The following NBPF26 variants were observed in gnomAD, a reference collection of about 807,000 sequenced individuals.
NBPF26 encodes NBPF family member NBPF26.
NBPF26 carries 79 observed loss-of-function variants against 119.6 expected under a neutral mutation model. That is an observed-to-expected ratio of 0.66 (90% CI 0.55 to 0.80). NBPF26 has a LOEUF of 0.80. NBPF26 is among the 30% of genes least tolerant of loss of function. The probability of loss-of-function intolerance (pLI) is 0.00; values close to 1 mark genes in which losing one functional copy is unlikely to be tolerated. For synonymous variants in NBPF26, 299 were observed against 457.7 expected (o/e 0.65, Z 4.43); for missense variants, 800 against 1,198.2 (o/e 0.67, Z 4.91).
At chr1:120,760,663 GT>G (rs1651127000) in intron 1 of NBPF26, among the ~76,000 whole-genome samples, 5 of 97,956 alleles carry the variant, frequency 5.1e-5, no homozygotes, top group Non-Finnish European at 1.0e-4. Flanking sequence ...TTTCACAATG[GT>G]TGTACTAATT....
In NBPF26 at chr1:120,806,286, G is replaced by T. The variant is rs1651680864; in HGVS notation, c.961+521G>T. Among the ~76,000 whole-genome samples the T allele has an allele frequency of 3.3e-5, 4 of 119,714 alleles. No individual in the cohort carries two copies. The South Asian group carries it at 1.0e-3, about 31-fold the overall frequency. 78.5% of individuals were successfully genotyped at this position (119,714 alleles called of 152,430 possible). A position where few individuals can be genotyped will look rare whatever the true frequency, so the allele number is the denominator to read the frequency against. On this transcript the variant is annotated intron_variant, in intron 5 of 29. Transcript: ENST00000620612. The stretch of plus-strand genomic sequence containing the variant: ...CTAATAGAACCTGTGCTATCTATAA[G>T]TGACAGCATCAAGAGCAGGGAGTAG...
intron 1 of NBPF26, among the ~76,000 whole-genome samples, chr1:120,743,870 A>G (rs1163579942): frequency 1.7e-5 from 2 of 120,620 alleles, no homozygotes; most frequent in African/African-American, 7.4e-5. Flanking sequence ...GCTGAATATT[A>G]GAGTGGTTGT....
intron 4 of NBPF26, among the ~76,000 whole-genome samples, chr1:120,805,079 G>C (rs1553269485): frequency 0.15 from 17,722 of 121,664 alleles, 4,445 homozygotes; most frequent in East Asian, 0.56. Flanking sequence ...TAAACAGTGA[G>C]GAATATGCTT....
chr1:120,768,567 C>T (rs1651220282), intron 2 of NBPF26, among the ~76,000 whole-genome samples: 1 of 109,686 alleles, frequency 9.1e-6, no homozygotes, highest in Non-Finnish European at 1.7e-5. Flanking sequence ...CTTGCACACT[C>T]TTCCTCTTCT....
intron 23 of NBPF26, among the ~76,000 whole-genome samples, chr1:120,833,384 T>TGTCTCA (rs1652403270): frequency 1.2e-5 from 1 of 83,298 alleles, no homozygotes; most frequent in Admixed American, 1.1e-4. Context: ...TCTCTGTCTC[T>TGTCTCA]CTCTCTGTCT....
At position 120,805,519 on chromosome 1, in the gene NBPF26, T is replaced by A. The variant is rs1303951784; in HGVS notation, c.752-37T>A. ...ATTAAACCGATTTGATTTCACCAGT[T>A]TTTAACCCATCATATGTTTGGGTTT... is the stretch of plus-strand genomic sequence containing the variant. On this transcript the variant is annotated intron_variant, in intron 4 of 29. Transcript: ENST00000620612. 15 of 1,227,358 alleles carry A rather than the reference T, an allele frequency of 1.2e-5. 4 individuals are homozygous for A. Among genetic ancestry groups the A allele is most frequent in the Admixed American group, 1.1e-4 (6 of 54,246 alleles). 76.0% of individuals were successfully genotyped at this position (1,227,358 alleles called of 1,614,324 possible).
chr1:120,840,202 T>G, intron 29 of NBPF26, 148 bp from the exon 36 acceptor site: 4 of 1,141,658 alleles, frequency 3.5e-6, no homozygotes, highest in South Asian at 1.5e-5. Flanking sequence ...TATCCCAACA[T>G]AAAGGCAATA....
rs1156370654 is a variant in NBPF26 at position 120,765,176 on chromosome 1, C to T, written c.155+1467C>T. On this transcript the variant is annotated intron_variant, in intron 2 of 29. Coordinates refer to ENST00000620612, the Ensembl canonical transcript of NBPF26. Reference sequence around the variant, plus strand: ...TTTTCTAGCTGGGGGAAAAAAAAAACATGTGGTGCATTCTCCTCTAAGAAT... The same window carrying T: ...TTTTCTAGCTGGGGGAAAAAAAAAATATGTGGTGCATTCTCCTCTAAGAAT... Among the ~76,000 whole-genome samples, 5 of 119,878 alleles carry T rather than the reference C, an allele frequency of 4.2e-5. 1 individual carries two copies. The highest frequency in any genetic ancestry group is 8.3e-5 in the Non-Finnish European group (5 of 60,194). The allele number at this position is 119,878 out of a possible 152,430, so 78.6% of individuals were successfully genotyped here.
At position 120,823,289 on chromosome 1, in the gene NBPF26, C is replaced by A. The variant is rs1277660724; in HGVS notation, c.2588-20C>A. 11 of 1,271,466 alleles carry A rather than the reference C, an allele frequency of 8.7e-6. 4 individuals carry two copies. The highest frequency in any genetic ancestry group is 5.4e-5 in the African/African-American group (2 of 37,068). The allele number at this position is 1,271,466 out of a possible 1,614,324, so 78.8% of individuals were successfully genotyped here. A position where few individuals can be genotyped will look rare whatever the true frequency, so the allele number is the denominator to read the frequency against. On this transcript the variant is annotated intron_variant, in intron 16 of 29. Transcript: ENST00000620612. ...GAAGAACTGCTTAATGTAAGAGGGC[C>A]CATCTGAATTTATTTGCAGGACATC... is the stretch of plus-strand genomic sequence containing the variant.
intron 9 of NBPF26, among the ~76,000 whole-genome samples, chr1:120,811,325 C>A (rs1651860090): frequency 9.1e-6 from 1 of 110,102 alleles, no homozygotes; most frequent in Non-Finnish European, 1.8e-5. Flanking sequence ...GTGGGCGGAA[C>A]ACCTGAGCTC....
intron 2 of NBPF26, among the ~76,000 whole-genome samples, chr1:120,768,454 C>CTGTG (rs1651219571): frequency 9.8e-6 from 1 of 101,538 alleles, no homozygotes; most frequent in East Asian, 2.5e-4. Context: ...GCTACCCACT[C>CTGTG]TGTGGTTCTG....
At chr1:120,759,236 T>G (rs1651107719) in intron 1 of NBPF26, among the ~76,000 whole-genome samples, 1 of 57,374 alleles carries the variant, frequency 1.7e-5, no homozygotes, top group Non-Finnish European at 2.9e-5. Context: ...AATGATGGAG[T>G]GATGAGATTG....
chr1:120,763,391 C>A (rs1651153749), intron 1 of NBPF26, among the ~76,000 whole-genome samples: 1 of 104,538 alleles, frequency 9.6e-6, no homozygotes, highest in Non-Finnish European at 1.8e-5. Flanking sequence ...GCTGGAGATA[C>A]TAAAACACAG....
chr1:120,808,260 G>A (rs1333384198), intron 6 of NBPF26, among the ~76,000 whole-genome samples: 5 of 121,216 alleles, frequency 4.1e-5, no homozygotes, highest in Non-Finnish European at 8.2e-5. Context: ...GGAACTGAAA[G>A]GATGTCTTTT....
chr1:120,793,198 T>C, exon 4 of NBPF26: 2 of 1,442,010 alleles, frequency 1.4e-6, no homozygotes, highest in East Asian at 2.3e-5. Context: ...GCCTGTCTCA[T>C]CTCTGTGCAA....
intron 2 of NBPF26, among the ~76,000 whole-genome samples, chr1:120,777,752 C>A (rs1651314997): frequency 1.0e-5 from 1 of 95,354 alleles, no homozygotes; most frequent in Non-Finnish European, 1.9e-5. Flanking sequence ...CCCTCTTTAC[C>A]AGGAAGTTAA....
rs1652127237 is a variant in NBPF26, at chr1:120,821,956, A to T, written c.2424-148A>T. The T allele has an allele frequency of 6.0e-6, 6 of 1,005,192 alleles. No individual in the cohort carries two copies. The South Asian group carries it at 9.2e-5, about 15-fold the overall frequency. 62.3% of individuals were successfully genotyped at this position (1,005,192 alleles called of 1,614,324 possible). ...CAGTCACCCTCCACCCTGTATTTAGAAGGATAGTTTTATTCCTCTTGAAGG... is the reference window on the plus strand; with the variant it reads ...CAGTCACCCTCCACCCTGTATTTAGTAGGATAGTTTTATTCCTCTTGAAGG... On this transcript the variant is annotated intron_variant, in intron 15 of 29. Coordinates refer to ENST00000620612, the Ensembl canonical transcript of NBPF26.
chr1:120,810,778 A>G (rs1264295996), intron 9 of NBPF26, among the ~76,000 whole-genome samples: 1 of 110,672 alleles, frequency 9.0e-6, no homozygotes, highest in Non-Finnish European at 1.7e-5. Flanking sequence ...ATATGGTGAA[A>G]CCCATCTTTA....
intron 1 of NBPF26, among the ~76,000 whole-genome samples, chr1:120,733,177 C>T (rs1237236068): frequency 9.4e-6 from 1 of 106,532 alleles, no homozygotes; most frequent in Non-Finnish European, 1.7e-5. Context: ...TATGCACACA[C>T]ACATAATATA....
Sources: allele counts gnomAD v4.1 joint callset (sites outside exome capture counted in the v4.1 genomes callset), GRCh38; gene constraint gnomAD v4.1.1; transcripts MANE v1.5; gene names NCBI Gene and HGNC (gene_info 2026-07-23, HGNC 2026-07-21).